Variants in ERC2 observed in about 807,000 individuals in gnomAD.
ERC2 encodes ELKS/RAB6-interacting/CAST family member 2.
A neutral mutation model predicts 114.8 loss-of-function variants in ERC2; 42 were observed. The observed-to-expected ratio is 0.37, with a 90% CI of 0.29 to 0.47. The LOEUF (loss-of-function observed/expected upper bound fraction) is 0.47. ERC2 is among the 20% of genes least tolerant of loss of function. The pLI is 0.99. For missense variants in ERC2, 939 were observed against 1,150.7 expected (o/e 0.82, Z 2.66); for synonymous variants, 454 against 425.5 (o/e 1.07, Z -0.82).
intron 7 of ERC2, among the ~76,000 whole-genome samples, chr3:56,066,303 T>G (rs1295832011): frequency 1.3e-5 from 2 of 152,074 alleles, no homozygotes; most frequent in African/African-American, 2.4e-5. Flanking sequence ...ATCAGTGATG[T>G]TGAGCTTTGC....
At chr3:56,311,237 CTCTCTCTCTCTCTCTCTCTA>C (rs1416713841) in intron 2 of ERC2, among the ~76,000 whole-genome samples, 3 of 16,404 alleles carry the variant, frequency 1.8e-4, no homozygotes, top group African/African-American at 4.5e-4. Context: ...CATCTTCTCT[CTCTCTCTCTCTCTCTCTCTA>C]TATATATATA....
intron 3 of ERC2, among the ~76,000 whole-genome samples, chr3:56,175,379 G>C (rs2082921560): frequency 6.6e-6 from 1 of 152,162 alleles, no homozygotes; most frequent in Non-Finnish European, 1.5e-5. Context: ...AAGGGATGAA[G>C]TCAACCATTA....
intron 6 of ERC2, among the ~76,000 whole-genome samples, chr3:56,109,635 T>C (rs1369914746): frequency 6.6e-6 from 1 of 152,182 alleles, no homozygotes; most frequent in Non-Finnish European, 1.5e-5. Context: ...AGCCATCTCT[T>C]GGGTAGAATG....
intron 14 of ERC2, among the ~76,000 whole-genome samples, chr3:55,850,266 G>T (rs563722132): frequency 1.3e-5 from 2 of 152,224 alleles, no homozygotes; most frequent in African/African-American, 4.8e-5. Context: ...AATTACATCT[G>T]AAAAGACCCT....
At chr3:55,982,571 TTATCAACCTA>T (rs2149507432) in intron 12 of ERC2, among the ~76,000 whole-genome samples, 1 of 73,716 alleles carries the variant, frequency 1.4e-5, no homozygotes, top group African/African-American at 3.7e-5. Flanking sequence ...ATTATTATTG[TTATCAACCTA>T]TGTCATGAAT....
At chr3:56,228,468 C>A (rs1257369201) in intron 3 of ERC2, among the ~76,000 whole-genome samples, 1 of 152,188 alleles carries the variant, frequency 6.6e-6, no homozygotes, top group African/African-American at 2.4e-5. Flanking sequence ...CAGTATTTGC[C>A]TTTGTGTGAT....
intron 17 of ERC2, among the ~76,000 whole-genome samples, chr3:55,518,707 T>G (rs895031414): frequency 6.6e-6 from 1 of 152,184 alleles, no homozygotes; most frequent in Admixed American, 6.6e-5. Context: ...AAAAAAAAAG[T>G]TCATTAAGTA....
Position 55,885,098 on chromosome 3 carries a change from C to T in ERC2, c.2564+3291G>A, listed in dbSNP as rs2063300968. Among the ~76,000 whole-genome samples, 6 of 152,188 alleles carry T rather than the reference C, an allele frequency of 3.9e-5. No homozygotes were observed. In the South Asian group the frequency reaches 1.2e-3, roughly 32 times the overall value. On this transcript the variant is annotated intron_variant, in intron 14 of 17. Transcript: ENST00000288221. ...TTCCCTCTAACATCACACAGCCTCT[C>T]CCTTCCCACCAGGGTTTGGAAACTG... is the stretch of plus-strand genomic sequence containing the variant.
intron 2 of ERC2, among the ~76,000 whole-genome samples, chr3:56,338,444 T>C (rs115885127): frequency 0.02 from 3,029 of 152,210 alleles, 112 homozygotes; most frequent in African/African-American, 0.068. Flanking sequence ...AAAATCCTGG[T>C]GGGGGATGAG....
At chr3:55,902,181 T>G (rs551342199) in intron 13 of ERC2, among the ~76,000 whole-genome samples, 67 of 152,342 alleles carry the variant, frequency 4.4e-4, no homozygotes, top group Non-Finnish European at 7.6e-4. Flanking sequence ...TCCAGACTGC[T>G]GGCTTGGTTA....
chr3:56,154,342 ATGG>A (rs2081581881), intron 4 of ERC2, among the ~76,000 whole-genome samples: 12 of 152,174 alleles, frequency 7.9e-5, no homozygotes, highest in African/African-American at 2.7e-4. Context: ...TGAGAATTAG[ATGG>A]TATCTAATTC....
At chr3:55,512,993 G>A (rs1009486336) in intron 17 of ERC2, among the ~76,000 whole-genome samples, 5 of 152,154 alleles carry the variant, frequency 3.3e-5, no homozygotes, top group South Asian at 2.1e-4. Flanking sequence ...AATAAAAAAC[G>A]AATCCTGGCT....
At position 56,296,327 on chromosome 3, in the gene ERC2, T is replaced by C; in HGVS notation, c.766A>G (p.Ile256Val). 6.2e-7 allele frequency: 1 copy of C among 1,613,998 alleles called. No homozygotes were observed. The highest frequency in any genetic ancestry group is 8.5e-7 in the Non-Finnish European group (1 of 1,179,892). Reference sequence around the variant, plus strand: ...CTAAAGTTCTCCTCGGTCAGCTCGATGGTGAAGTGCTCCGCTCCTCGGTTG... The same window carrying C: ...CTAAAGTTCTCCTCGGTCAGCTCGACGGTGAAGTGCTCCGCTCCTCGGTTG... ...SGNRGAEHFTIELTEENFRRL... is the reference protein window; with the variant it reads ...SGNRGAEHFTVELTEENFRRL... The change falls in exon 3 of 18, where the codon ATC (isoleucine) becomes GTC (valine). Residue 256 changes from isoleucine to valine, a missense_variant. Ile to Val is a conservative substitution (Grantham distance 29). This residue lies in a region of ERC2 where 33 missense variants were observed against 75.6 expected (regional missense o/e 0.44). Coordinates refer to ENST00000288221, the MANE Select transcript of ERC2 (RefSeq NM_015576.3).
intron 15 of ERC2, among the ~76,000 whole-genome samples, chr3:55,702,621 G>A (rs1044138222): frequency 3.3e-5 from 5 of 151,958 alleles, no homozygotes. Context: ...GGTCTGGAAG[G>A]ACAGGAAGTC....
At chr3:55,559,778 C>T (rs2055877049) in intron 17 of ERC2, among the ~76,000 whole-genome samples, 2 of 152,214 alleles carry the variant, frequency 1.3e-5, no homozygotes, top group South Asian at 4.1e-4. Flanking sequence ...TCTTTTTAAT[C>T]CTTCCTTTCT....
At chr3:55,946,676 C>G (rs1447125812) in intron 13 of ERC2, among the ~76,000 whole-genome samples, 2 of 152,168 alleles carry the variant, frequency 1.3e-5, no homozygotes, top group Non-Finnish European at 2.9e-5. Context: ...CTGCCATACT[C>G]AAGGCCCTAA....
chr3:56,426,099 C>T (rs145444572), intron 2 of ERC2, among the ~76,000 whole-genome samples: 70 of 152,234 alleles, frequency 4.6e-4, no homozygotes, highest in African/African-American at 1.6e-3. Flanking sequence ...AAAAGATTTC[C>T]TAGAATCTCC....
chr3:55,785,034 T>C (rs539023062), intron 14 of ERC2, among the ~76,000 whole-genome samples: 1 of 152,168 alleles, frequency 6.6e-6, no homozygotes, highest in South Asian at 2.1e-4. Context: ...GACATCATGG[T>C]TCAATACTGT....
chr3:56,401,861 T>C (rs946467108), intron 2 of ERC2, among the ~76,000 whole-genome samples: 4 of 152,256 alleles, frequency 2.6e-5, no homozygotes, highest in East Asian at 1.9e-4. Context: ...TGCTAATACA[T>C]ACATACCCGA....
Sources: gnomAD v4.1 joint callset for allele counts (sites outside exome capture counted in the v4.1 genomes callset) on GRCh38, gnomAD v4.1.1 for gene constraint, gnomAD v4.1.1 regional missense constraint, MANE v1.5 for transcripts, NCBI Gene and HGNC (gene_info 2026-07-23, HGNC 2026-07-21) for gene names.